Variants in PTH1R observed in about 807,000 individuals in gnomAD.
PTH1R encodes parathyroid hormone/parathyroid hormone-related peptide receptor.
In PTH1R, 32 loss-of-function variants were observed where a neutral mutation model predicts 70.7. That is an observed-to-expected ratio of 0.45 (90% CI 0.34 to 0.61). The LOEUF (loss-of-function observed/expected upper bound fraction) is 0.61, where lower values mean the gene tolerates loss of function less well. PTH1R is among the 20% of genes least tolerant of loss of function. The pLI is 0.01. For missense variants in PTH1R, 626 were observed against 792.5 expected (o/e 0.79, Z 2.52); for synonymous variants, 329 against 324.8 (o/e 1.01, Z -0.14).
rs769689252 is a variant in PTH1R, at chr3:46,902,865, C to T, written c.1395+75C>T. On this transcript the variant is annotated intron_variant, in intron 15 of 15. Transcript: ENST00000449590. The surrounding 1 kb of genome is among the most constrained non-coding windows in gnomAD (Gnocchi z 5.4). ...GAGGCTTCCTCAAGGCTCATTTCTC[C>T]ATTCTTCCACCCTGTTATTTCTTTG... The T allele has an allele frequency of 5.1e-6, 8 of 1,569,296 alleles. No homozygotes were observed. Among genetic ancestry groups the T allele is most frequent in the African/African-American group, 1.4e-5 (1 of 73,914 alleles).
rs201578964 is a variant in PTH1R, at chr3:46,897,983, G to T, written c.424+18G>T. 1.9e-6 allele frequency: 3 copies of T among 1,613,770 alleles called. No individual in the cohort carries two copies. Among genetic ancestry groups the T allele is most frequent in the African/African-American group, 2.7e-5 (2 of 75,034 alleles). On this transcript the variant is annotated intron_variant, in intron 6 of 15. Coordinates refer to ENST00000449590, the MANE Select transcript of PTH1R (RefSeq NM_000316.3). Reference sequence around the variant, plus strand: ...TCACAAAGGTGAGGCCTGCTGGAAGGGGTGGGGATTACAAGGAGGCTGAGA... The same window carrying T: ...TCACAAAGGTGAGGCCTGCTGGAAGTGGTGGGGATTACAAGGAGGCTGAGA...
At position 46,883,432 on chromosome 3, in the gene PTH1R, C is replaced by G; in HGVS notation, c.-48-80C>G. On this transcript the variant is annotated intron_variant, in intron 2 of 15. Transcript: ENST00000449590. This position sits in a 1 kb window ranked among gnomAD's most constrained non-coding sequence, Gnocchi z 6.4. ...GCCGGGCCCCGGGGCCTCGGGCCGCCGGGACGCCGGGGTCCCATAGGCCGG... is the reference window on the plus strand; with the variant it reads ...GCCGGGCCCCGGGGCCTCGGGCCGCGGGGACGCCGGGGTCCCATAGGCCGG... 1.3e-6 allele frequency: 1 copy of G among 764,360 alleles called. No homozygotes were observed. Among genetic ancestry groups the G allele is most frequent in the Non-Finnish European group, 1.7e-6 (1 of 572,208 alleles). 47.3% of individuals were successfully genotyped at this position (764,360 alleles called of 1,614,324 possible).
Position 46,901,148 on chromosome 3 carries a change from A to G in PTH1R, c.1049+63A>G. ...CCCCTGGGTCCCTTTTCTTCCAGGAAGCATGTGAGAGGGCCTCCTGTACCC... is the reference window on the plus strand; with the variant it reads ...CCCCTGGGTCCCTTTTCTTCCAGGAGGCATGTGAGAGGGCCTCCTGTACCC... On this transcript the variant is annotated intron_variant, in intron 11 of 15. Transcript: ENST00000449590. The surrounding 1 kb of genome is among the most constrained non-coding windows in gnomAD (Gnocchi z 7.3). 6.6e-7 allele frequency: 1 copy of G among 1,524,552 alleles called. No homozygotes were observed. The highest frequency in any genetic ancestry group is 1.2e-5 in the South Asian group (1 of 83,624). 94.4% of individuals were successfully genotyped at this position (1,524,552 alleles called of 1,614,324 possible). A position where few individuals can be genotyped will look rare whatever the true frequency, so the allele number is the denominator to read the frequency against.
At chr3:46,895,071 A>AT (rs1272207078) in intron 4 of PTH1R, among the ~76,000 whole-genome samples, 1 of 106,664 alleles carries the variant, frequency 9.4e-6, no homozygotes, top group African/African-American at 2.7e-5. Context: ...CTCAAAAAAA[A>AT]AAACAAAAAA....
chr3:46,887,098 C>T (rs558276247), intron 3 of PTH1R, among the ~76,000 whole-genome samples: 7 of 151,992 alleles, frequency 4.6e-5, no homozygotes, highest in Admixed American at 4.6e-4. Context: ...AAATTAGCCA[C>T]GCGTGGTGGT....
intron 9 of PTH1R, 75 bp from the exon 10 acceptor site, chr3:46,899,228 C>T: frequency 6.3e-7 from 1 of 1,599,608 alleles, no homozygotes; most frequent in South Asian, 1.1e-5. Flanking sequence ...TCTCCTGCCG[C>T]CCCAGCCCCC....
rs1046450489 is a variant in PTH1R at position 46,879,595 on chromosome 3, T to C, written c.-105-1467T>C. ...TCGTCTCTACAAAAAAAAAATTTTT[T>C]AATTACCCAGGTGTGGTAGCTCATG... On this transcript the variant is annotated intron_variant, in intron 1 of 15. Coordinates refer to ENST00000449590, the MANE Select transcript of PTH1R (RefSeq NM_000316.3). This position sits in a 1 kb window ranked among gnomAD's most constrained non-coding sequence, Gnocchi z 4.7. 3.3e-5 allele frequency among the ~76,000 whole-genome samples: 5 copies of C among 151,902 alleles called. No individual in the cohort carries two copies. The highest frequency in any genetic ancestry group is 7.4e-5 in the Non-Finnish European group (5 of 67,986).
rs1575507452 is a variant in PTH1R, at chr3:46,883,233, A to G, written c.-48-279A>G. On this transcript the variant is annotated intron_variant, in intron 2 of 15. Coordinates refer to ENST00000449590, the MANE Select transcript of PTH1R (RefSeq NM_000316.3). This position sits in a 1 kb window ranked among gnomAD's most constrained non-coding sequence, Gnocchi z 6.4. ...GGCCGGGGGCGGGGGGCCCGGCCATATGGATGTGATTTCTTCGCTCCGAGG... is the reference window on the plus strand; with the variant it reads ...GGCCGGGGGCGGGGGGCCCGGCCATGTGGATGTGATTTCTTCGCTCCGAGG... The G allele has an allele frequency of 4.7e-6, 1 of 212,128 alleles. No homozygotes were observed. The highest frequency in any genetic ancestry group is 9.3e-6 in the Non-Finnish European group (1 of 107,926). The allele number at this position is 212,128 out of a possible 1,614,324, so 13.1% of individuals were successfully genotyped here.
At position 46,893,558 on chromosome 3, in the gene PTH1R, T is replaced by C. The variant is rs963109122; in HGVS notation, c.76-349T>C. On this transcript the variant is annotated intron_variant, in intron 3 of 15. Transcript: ENST00000449590. This position sits in a 1 kb window ranked among gnomAD's most constrained non-coding sequence, Gnocchi z 5.2. ...TGTCCCCAGCAGGCAGCCAGGATCC[T>C]GTGTGGATCCATCCTGGGACATTCC... Among the ~76,000 whole-genome samples, 61 of 151,500 alleles carry C rather than the reference T, an allele frequency of 4.0e-4. No homozygotes were observed. The highest frequency in any genetic ancestry group is 1.4e-3 in the African/African-American group (57 of 41,188).
chr3:46,888,785 A>T (rs1436997086), intron 3 of PTH1R, among the ~76,000 whole-genome samples: 1 of 152,234 alleles, frequency 6.6e-6, no homozygotes. Flanking sequence ...GGGCCTGCTT[A>T]TGAAGATCCA....
At chr3:46,890,837 A>T (rs1314238504) in intron 3 of PTH1R, among the ~76,000 whole-genome samples, 1 of 152,140 alleles carries the variant, frequency 6.6e-6, no homozygotes, top group Non-Finnish European at 1.5e-5. Context: ...TTTACAGGAA[A>T]ACTGAGGCAC....
At position 46,901,003 on chromosome 3, in the gene PTH1R, C is replaced by T. The variant is rs376263167; in HGVS notation, c.989-22C>T. 2.0e-5 allele frequency: 32 copies of T among 1,573,440 alleles called. No individual in the cohort carries two copies. The East Asian group carries it at 6.4e-4, about 32-fold the overall frequency. ...TGGACAGCAGCCACAGTCCTGCACACTGTCCCCCTCTGTGCCCACAGGTCT... is the reference window on the plus strand; with the variant it reads ...TGGACAGCAGCCACAGTCCTGCACATTGTCCCCCTCTGTGCCCACAGGTCT... On this transcript the variant is annotated intron_variant, in intron 10 of 15. Transcript: ENST00000449590. The surrounding 1 kb of genome is among the most constrained non-coding windows in gnomAD (Gnocchi z 7.3).
At position 46,902,738 on chromosome 3, in the gene PTH1R, C is replaced by T. The variant is rs1249958507; in HGVS notation, c.1354-11C>T. Reference sequence around the variant, plus strand: ...GGGGGCAGGCCTGATTCGAGACACCCCTCTTCACAGGGATTTTTTGTCGCA... The same window carrying T: ...GGGGGCAGGCCTGATTCGAGACACCTCTCTTCACAGGGATTTTTTGTCGCA... On this transcript the variant is annotated splice_polypyrimidine_tract_variant and intron_variant, in intron 14 of 15. Transcript: ENST00000449590. The surrounding 1 kb of genome is among the most constrained non-coding windows in gnomAD (Gnocchi z 5.4). 1.2e-6 allele frequency: 2 copies of T among 1,614,010 alleles called. No homozygotes were observed. Among genetic ancestry groups the T allele is most frequent in the Admixed American group, 1.7e-5 (1 of 60,018 alleles).
rs1400584737 is a variant in PTH1R at position 46,883,700 on chromosome 3, T to G, written c.75+66T>G. On this transcript the variant is annotated intron_variant, in intron 3 of 15. Coordinates refer to ENST00000449590, the MANE Select transcript of PTH1R (RefSeq NM_000316.3). This position sits in a 1 kb window ranked among gnomAD's most constrained non-coding sequence, Gnocchi z 6.4. Reference sequence around the variant, plus strand: ...CTTACCCTAGGGTCCGCGGGATAGGTCTAAGGCACGCAGTCTTGAGTTCCC... The same window carrying G: ...CTTACCCTAGGGTCCGCGGGATAGGGCTAAGGCACGCAGTCTTGAGTTCCC... The G allele has an allele frequency of 6.5e-7, 1 of 1,527,676 alleles. No individual in the cohort carries two copies. Among genetic ancestry groups the G allele is most frequent in the Admixed American group, 2.0e-5 (1 of 50,918 alleles). The allele number at this position is 1,527,676 out of a possible 1,614,324, so 94.6% of individuals were successfully genotyped here.
chr3:46,888,502 T>G (rs1301817305), intron 3 of PTH1R, among the ~76,000 whole-genome samples: 1 of 152,158 alleles, frequency 6.6e-6, no homozygotes, highest in Non-Finnish European at 1.5e-5. Flanking sequence ...GGCAGCTATT[T>G]CAGAAGGAGA....
Position 46,901,356 on chromosome 3 carries a change from T to C in PTH1R, c.1050-58T>C. 1 of 1,545,032 alleles carries C rather than the reference T, an allele frequency of 6.5e-7. No homozygotes were observed. Among genetic ancestry groups the C allele is most frequent in the Non-Finnish European group, 8.8e-7 (1 of 1,141,306 alleles). On this transcript the variant is annotated intron_variant, in intron 11 of 15. Transcript: ENST00000449590. The surrounding 1 kb of genome is among the most constrained non-coding windows in gnomAD (Gnocchi z 7.3). ...AGACCAGACCAAATCTGGGTCTCTG[T>C]GGGCAGTCTTAGGATGGGAACAGGA...
rs1030037005 is a variant in PTH1R at position 46,893,821 on chromosome 3, G to A, written c.76-86G>A. ...TAGAGTCAGGGCCTTTTGAAAGGGG[G>A]TAGTCCCTCTGGGAAATTGGGATGT... On this transcript the variant is annotated intron_variant, in intron 3 of 15. Coordinates refer to ENST00000449590, the MANE Select transcript of PTH1R (RefSeq NM_000316.3). The surrounding 1 kb of genome is among the most constrained non-coding windows in gnomAD (Gnocchi z 5.2). The A allele has an allele frequency of 6.4e-6, 8 of 1,243,682 alleles. No individual in the cohort carries two copies. The African/African-American group carries it at 1.0e-4, about 16-fold the overall frequency. 77.0% of individuals were successfully genotyped at this position (1,243,682 alleles called of 1,614,324 possible). A position where few individuals can be genotyped will look rare whatever the true frequency, so the allele number is the denominator to read the frequency against.
In PTH1R at chr3:46,901,978, G is replaced by C. The variant is rs1575525499; in HGVS notation, c.1211+118G>C. On this transcript the variant is annotated intron_variant, in intron 13 of 15. Transcript: ENST00000449590. The surrounding 1 kb of genome is among the most constrained non-coding windows in gnomAD (Gnocchi z 7.3). ...ATCCTGGGGCAAGGGAAAGGACCCAGCGTCTGACTCCCTGGCTGTCCTCAC... is the reference window on the plus strand; with the variant it reads ...ATCCTGGGGCAAGGGAAAGGACCCACCGTCTGACTCCCTGGCTGTCCTCAC... The C allele has an allele frequency of 1.7e-6, 2 of 1,146,560 alleles. No homozygotes were observed. The highest frequency in any genetic ancestry group is 5.1e-5 in the East Asian group (2 of 39,132). 71.0% of individuals were successfully genotyped at this position (1,146,560 alleles called of 1,614,324 possible).
chr3:46,892,797 G>A lies in PTH1R; in HGVS notation c.76-1110G>A. On this transcript the variant is annotated intron_variant, in intron 3 of 15. Coordinates refer to ENST00000449590, the MANE Select transcript of PTH1R (RefSeq NM_000316.3). The surrounding 1 kb of genome is among the most constrained non-coding windows in gnomAD (Gnocchi z 5.2). The stretch of plus-strand genomic sequence containing the variant: ...GGATGCAGCTCTGCCGCGGAGCTGA[G>A]GAGACGTAGCCTTCTGGGGTAGGGA... 2.0e-6 allele frequency: 2 copies of A among 985,794 alleles called. No individual in the cohort carries two copies. Among genetic ancestry groups the A allele is most frequent in the South Asian group, 4.7e-5 (1 of 21,298 alleles). The allele number at this position is 985,794 out of a possible 1,614,324, so 61.1% of individuals were successfully genotyped here. A position where few individuals can be genotyped will look rare whatever the true frequency, so the allele number is the denominator to read the frequency against.
Sources: allele counts gnomAD v4.1 joint callset (sites outside exome capture counted in the v4.1 genomes callset), GRCh38; gene constraint gnomAD v4.1.1; non-coding constraint Gnocchi (gnomAD v3.1); transcripts MANE v1.5; gene names NCBI Gene and HGNC (gene_info 2026-07-23, HGNC 2026-07-21).